DRC2: variants seen among roughly 807,000 people sequenced by gnomAD.
DRC2 encodes coiled-coil domain containing 65.
At chr12:48,916,852 T>C in the DRC2 span, 2 of 887,814 alleles carry the variant, frequency 2.3e-6, no homozygotes, top group African/African-American at 3.3e-5. Flanking sequence ...CTCTCTCTTT[T>C]CTCCATCAGT....
the DRC2 span, among the ~76,000 whole-genome samples, chr12:48,916,346 C>G: frequency 6.6e-6 from 1 of 152,188 alleles, no homozygotes; most frequent in Non-Finnish European, 1.5e-5. Context: ...GTCTGCAATC[C>G]CGGCACCTCG....
the DRC2 span, among the ~76,000 whole-genome samples, chr12:48,914,018 CT>C: frequency 6.9e-6 from 1 of 145,856 alleles, no homozygotes; most frequent in African/African-American, 2.5e-5. Context: ...CAACTTTGAA[CT>C]CCTGGGCTTA....
chr12:48,913,558 T>C, the DRC2 span, among the ~76,000 whole-genome samples: 46 of 152,300 alleles, frequency 3.0e-4, no homozygotes, highest in African/African-American at 1.1e-3. Context: ...AGTGGTGCAA[T>C]CTCGGCTCAC....
chr12:48,921,082 G>A, the DRC2 span: 9 of 1,611,018 alleles, frequency 5.6e-6, no homozygotes, highest in Non-Finnish European at 7.6e-6. Flanking sequence ...AGCTCACCAA[G>A]GTAAAGCCCG....
chr12:48,921,192 G>A, the DRC2 span: 10 of 1,614,148 alleles, frequency 6.2e-6, no homozygotes, highest in Non-Finnish European at 8.5e-6. Flanking sequence ...CATAGGAATG[G>A]AGAATTTCTG....
the DRC2 span, among the ~76,000 whole-genome samples, chr12:48,913,536 G>A: frequency 6.6e-6 from 1 of 150,930 alleles, no homozygotes; most frequent in Non-Finnish European, 1.5e-5. Flanking sequence ...ACTGTCACCC[G>A]GGCTGGAGTG....
At chr12:48,905,518 G>A in the DRC2 span, among the ~76,000 whole-genome samples, 3 of 152,184 alleles carry the variant, frequency 2.0e-5, no homozygotes, top group African/African-American at 7.2e-5. Context: ...CCACTGCAGT[G>A]CTCCATTCAA....
At chr12:48,918,164 T>G in the DRC2 span, 6 of 985,476 alleles carry the variant, frequency 6.1e-6, no homozygotes, top group African/African-American at 1.6e-5. Flanking sequence ...ATGGGAGACC[T>G]CTGTACTAAA....
the DRC2 span, chr12:48,918,518 T>A: frequency 1.9e-6 from 3 of 1,586,126 alleles, no homozygotes; most frequent in East Asian, 6.7e-5. Context: ...ACTGCTCTAT[T>A]ATCCCCTCTT....
the DRC2 span, among the ~76,000 whole-genome samples, chr12:48,915,289 T>G: frequency 5.3e-5 from 8 of 149,816 alleles, no homozygotes; most frequent in Non-Finnish European, 1.5e-5. Flanking sequence ...CCTGGGTACT[T>G]GAGATTAGGG....
chr12:48,905,156 C>T, the DRC2 span: 1 of 1,508,470 alleles, frequency 6.6e-7, no homozygotes, highest in Non-Finnish European at 9.0e-7. Flanking sequence ...GGCTTCCTGA[C>T]CTCTTAATAG....
chr12:48,908,261 C>T, the DRC2 span, among the ~76,000 whole-genome samples: 2 of 152,064 alleles, frequency 1.3e-5, no homozygotes, highest in African/African-American at 4.8e-5. Context: ...TTATGTTGCC[C>T]ATGCTGGTCT....
chr12:48,909,252 A>T, the DRC2 span, among the ~76,000 whole-genome samples: 1 of 151,684 alleles, frequency 6.6e-6, no homozygotes. Flanking sequence ...TATGTTGGTC[A>T]GGCTGATCTC....
chr12:48,913,483 A>ATTATTTAT, the DRC2 span, among the ~76,000 whole-genome samples: 8 of 148,566 alleles, frequency 5.4e-5, no homozygotes, highest in African/African-American at 7.4e-5. Flanking sequence ...TTGTATTTTT[A>ATTATTTAT]TTATTTATTT....
the DRC2 span, among the ~76,000 whole-genome samples, chr12:48,908,612 TTTA>T: frequency 6.7e-6 from 1 of 148,584 alleles, no homozygotes; most frequent in African/African-American, 2.5e-5. Flanking sequence ...TTATTATTTA[TTTA>T]TTTATTTTAT....
chr12:48,908,635 G>A, the DRC2 span, among the ~76,000 whole-genome samples: 3 of 148,634 alleles, frequency 2.0e-5, no homozygotes, highest in Non-Finnish European at 4.5e-5. Flanking sequence ...TTTTTAGACA[G>A]AGTCACCCAG....
the DRC2 span, among the ~76,000 whole-genome samples, chr12:48,920,525 T>C: frequency 7.3e-6 from 1 of 136,258 alleles, no homozygotes; most frequent in Admixed American, 7.4e-5. Context: ...TAATGAATGA[T>C]TTTTTTTTTT....
chr12:48,915,648 T>C, the DRC2 span, among the ~76,000 whole-genome samples: 2 of 151,054 alleles, frequency 1.3e-5, no homozygotes, highest in African/African-American at 2.4e-5. Context: ...GACGGGGTGG[T>C]GGCCGGGCAG....
At chr12:48,910,696 T>C in the DRC2 span, among the ~76,000 whole-genome samples, 1 of 152,244 alleles carries the variant, frequency 6.6e-6, no homozygotes, top group African/African-American at 2.4e-5. Context: ...TTTTCTTTTT[T>C]TACATAAATG....
Sources: gnomAD v4.1 joint callset for allele counts (sites outside exome capture counted in the v4.1 genomes callset) on GRCh38, gnomAD v4.1.1 for gene constraint, MANE v1.5 for transcripts, NCBI Gene and HGNC (gene_info 2026-07-23, HGNC 2026-07-21) for gene names.